Variants in ADAMTS12 observed in about 807,000 individuals in gnomAD.
ADAMTS12 encodes the protein ADAM metallopeptidase with thrombospondin type 1 motif 12, also known as A disintegrin and metalloproteinase with thrombospondin motifs 12.
A neutral mutation model predicts 167.8 loss-of-function variants in ADAMTS12; 118 were observed. The ratio of observed to expected loss-of-function variants is 0.70; its 90% confidence interval spans 0.61 to 0.82. ADAMTS12 has a LOEUF of 0.82. Among genes scored for constraint, ADAMTS12 ranks in the 40% least tolerant of loss-of-function variants. The pLI is 0.00. For missense variants in ADAMTS12, 1,916 were observed against 1,998.8 expected (o/e 0.96, Z 0.79); for synonymous variants, 704 against 716.9 (o/e 0.98, Z 0.29).
chr5:33,755,497 T>C (rs1745135895), intron 2 of ADAMTS12, among the ~76,000 whole-genome samples: 1 of 152,196 alleles, frequency 6.6e-6, no homozygotes, highest in African/African-American at 2.4e-5. Context: ...TGCATCAACA[T>C]ATTAGTCATC....
At position 33,612,709 on chromosome 5, in the gene ADAMTS12, C is replaced by A. The variant is rs555483020; in HGVS notation, c.2527+1529G>T. Among the ~76,000 whole-genome samples, 39 of 152,230 alleles carry A rather than the reference C, an allele frequency of 2.6e-4. No homozygotes were observed. In the East Asian group the frequency reaches 6.2e-3, roughly 24 times the overall value. ...ACCCACTTATTTTCTGCTTAAATTGCCTTCACCTAACTCCAAGCCCAGTCC... is the reference window on the plus strand; with the variant it reads ...ACCCACTTATTTTCTGCTTAAATTGACTTCACCTAACTCCAAGCCCAGTCC... On this transcript the variant is annotated intron_variant, in intron 16 of 23. Transcript: ENST00000504830.
At chr5:33,803,209 A>T (rs911133239) in intron 2 of ADAMTS12, among the ~76,000 whole-genome samples, 1 of 152,228 alleles carries the variant, frequency 6.6e-6, no homozygotes, top group Admixed American at 6.5e-5. Flanking sequence ...AGACAAACTA[A>T]GATAACTAAA....
chr5:33,856,258 C>T (rs953651803), intron 2 of ADAMTS12, among the ~76,000 whole-genome samples: 6 of 152,202 alleles, frequency 3.9e-5, no homozygotes, highest in Admixed American at 1.3e-4. Context: ...CCTCCCTGCA[C>T]TGCTGTTTGA....
At chr5:33,561,305 A>G in intron 19 of ADAMTS12, 126 bp from the exon 20 acceptor site, 1 of 1,220,384 alleles carries the variant, frequency 8.2e-7, no homozygotes, top group South Asian at 1.7e-5. Flanking sequence ...CTTTTTAAAA[A>G]TTACCAACAC....
Position 33,683,003 on chromosome 5 carries a change from G to A in ADAMTS12, c.915+15C>T, listed in dbSNP as rs1361569938. ...CGAGGACATATAGCAGAAGAGTGAAGGGAAAAAATGTTACCTCTTCTTCTT... is the reference window on the plus strand; with the variant it reads ...CGAGGACATATAGCAGAAGAGTGAAAGGAAAAAATGTTACCTCTTCTTCTT... On this transcript the variant is annotated intron_variant, in intron 5 of 23. Coordinates refer to ENST00000504830, the MANE Select transcript of ADAMTS12 (RefSeq NM_030955.4). 2 of 1,608,996 alleles carry A rather than the reference G, an allele frequency of 1.2e-6. No homozygotes were observed. Among genetic ancestry groups the A allele is most frequent in the East Asian group, 4.5e-5 (2 of 44,672 alleles).
At chr5:33,794,638 T>G (rs1204738552) in intron 2 of ADAMTS12, among the ~76,000 whole-genome samples, 1 of 132,544 alleles carries the variant, frequency 7.5e-6, no homozygotes. Flanking sequence ...TACGCTCCAT[T>G]TTCCTTGGAA....
Position 33,524,919 on chromosome 5 carries a change from A to T in ADAMTS12, c.*2269T>A, listed in dbSNP as rs1419670286. The T allele has an allele frequency of 6.6e-6, 1 of 152,226 alleles. No homozygotes were observed. The highest frequency in any genetic ancestry group is 1.5e-5 in the Non-Finnish European group (1 of 68,044). 9.4% of individuals were successfully genotyped at this position (152,226 alleles called of 1,614,324 possible). A position where few individuals can be genotyped will look rare whatever the true frequency, so the allele number is the denominator to read the frequency against. ...GTCTACCATCTTCTCCACCACGTGG[A>T]TTGTAAATAACGTGGTCCATTTTGT... On this transcript the variant is annotated 3_prime_UTR_variant, in exon 24 of 24. Transcript: ENST00000504830.
rs769766711 is a variant in ADAMTS12 at position 33,683,866 on chromosome 5, A to G, written c.824T>C (p.Met275Thr). The G allele has an allele frequency of 6.5e-7, 1 of 1,538,912 alleles. No individual in the cohort carries two copies. Among genetic ancestry groups the G allele is most frequent in the South Asian group, 1.3e-5 (1 of 77,170 alleles). The change falls in exon 4 of 24, where the codon ATG (methionine) becomes ACG (threonine). Residue 275 changes from methionine (M) to threonine (T), a missense_variant. Physicochemically the swap from Met to Thr is moderately conservative, Grantham distance 81 (BLOSUM62 -1). Coordinates refer to ENST00000504830, the MANE Select transcript of ADAMTS12 (RefSeq NM_030955.4). ...CCATGTAGTCTGGCATACCATGTTC[A>G]TGATGGTGAGGATGTAGGACTCCAC... ...ENVESYILTI[M>T]NMVTGLFHNP...
At position 33,891,849 on chromosome 5, in the gene ADAMTS12, C is replaced by T; in HGVS notation, c.8G>A (p.Cys3Tyr). The T allele has an allele frequency of 6.2e-7, 1 of 1,613,974 alleles. No homozygotes were observed. The change falls in exon 1 of 24, where the codon TGT (cysteine) becomes TAT (tyrosine). Residue 3 changes from cysteine to tyrosine, a missense_variant. Transcript: ENST00000504830. ...GTTTGCAAGCCAGCTCCTCTGGGCA[C>T]ATGGCATGATTCAGATGTTGAGGAG... The part of the protein sequence containing the change: MP[C>Y]AQRSWLANLS...
At chr5:33,641,789 A>T in intron 11 of ADAMTS12, 21 bp downstream of exon 11, 2 of 1,576,966 alleles carry the variant, frequency 1.3e-6, no homozygotes, top group South Asian at 2.3e-5. Context: ...AGAGAAGGGA[A>T]ATATATTTAT....
chr5:33,660,215 G>C (rs576119765), intron 6 of ADAMTS12, among the ~76,000 whole-genome samples: 1 of 152,070 alleles, frequency 6.6e-6, no homozygotes, highest in African/African-American at 2.4e-5. Flanking sequence ...GTGACTATAA[G>C]AAAAAAAGGA....
chr5:33,618,191 G>A (rs1402051361), intron 14 of ADAMTS12, among the ~76,000 whole-genome samples: 1 of 152,196 alleles, frequency 6.6e-6, no homozygotes, highest in Non-Finnish European at 1.5e-5. Context: ...ATGATGAAAT[G>A]TATTTACTAT....
intron 11 of ADAMTS12, among the ~76,000 whole-genome samples, chr5:33,640,038 T>C (rs1385448606): frequency 2.6e-5 from 4 of 152,154 alleles, no homozygotes; most frequent in African/African-American, 9.7e-5. Context: ...CCAATTCATT[T>C]CCATCCAATC....
intron 3 of ADAMTS12, among the ~76,000 whole-genome samples, chr5:33,717,816 TG>T (rs1287005299): frequency 6.6e-6 from 1 of 152,234 alleles, no homozygotes; most frequent in Admixed American, 6.5e-5. Context: ...TACTTATTTT[TG>T]TCTACACTGG....
At chr5:33,814,962 G>C (rs1311208214) in intron 2 of ADAMTS12, among the ~76,000 whole-genome samples, 1 of 152,180 alleles carries the variant, frequency 6.6e-6, no homozygotes, top group East Asian at 1.9e-4. Context: ...GAGAGACAGT[G>C]ATTTTGCTGC....
At chr5:33,577,370 T>C (rs1286613884) in intron 18 of ADAMTS12, among the ~76,000 whole-genome samples, 1 of 152,216 alleles carries the variant, frequency 6.6e-6, no homozygotes, top group Non-Finnish European at 1.5e-5. Flanking sequence ...AACCATTTAT[T>C]CTTCACAAAC....
At chr5:33,790,463 G>C (rs1286927382) in intron 2 of ADAMTS12, among the ~76,000 whole-genome samples, 1 of 150,278 alleles carries the variant, frequency 6.7e-6, no homozygotes, top group African/African-American at 2.5e-5. Context: ...TGAGGCAGAA[G>C]AATCGCTTGA....
chr5:33,596,970 T>A (rs1046571350), intron 16 of ADAMTS12, among the ~76,000 whole-genome samples: 1 of 152,194 alleles, frequency 6.6e-6, no homozygotes, highest in African/African-American at 2.4e-5. Context: ...TATAGGCAAA[T>A]GAAGCCTTGT....
At chr5:33,657,654 T>G (rs1741107947) in intron 7 of ADAMTS12, among the ~76,000 whole-genome samples, 1 of 152,182 alleles carries the variant, frequency 6.6e-6, no homozygotes, top group Non-Finnish European at 1.5e-5. Flanking sequence ...TTTCCAAATT[T>G]ACAGCAGTTT....
Sources: allele counts gnomAD v4.1 joint callset (sites outside exome capture counted in the v4.1 genomes callset), GRCh38; gene constraint gnomAD v4.1.1; transcripts MANE v1.5; gene names NCBI Gene and HGNC (gene_info 2026-07-23, HGNC 2026-07-21).